Variants in RBBP6 observed in about 807,000 individuals in gnomAD.
RBBP6 encodes RB binding protein 6, ubiquitin ligase.
A neutral mutation model predicts 167.7 loss-of-function variants in RBBP6; 25 were observed. The observed-to-expected ratio is 0.15, with a 90% CI of 0.11 to 0.21. The LOEUF is 0.21. Ranked by LOEUF, RBBP6 falls within the 10% of genes least tolerant of loss-of-function variation. The pLI, the probability that RBBP6 is intolerant of heterozygous loss-of-function variation, is 1.00. For missense variants in RBBP6, 1,868 were observed against 2,134.2 expected (o/e 0.88, Z 2.46); for synonymous variants, 789 against 735.8 (o/e 1.07, Z -1.17).
At chr16:24,559,827 T>G in intron 8 of RBBP6, 150 bp downstream of exon 8, 2 of 603,594 alleles carry the variant, frequency 3.3e-6, no homozygotes, top group Non-Finnish European at 4.9e-6. Context: ...GAGAAGTCTG[T>G]TTTTCTTGCT....
Position 24,572,198 on chromosome 16 carries a change from C to T in RBBP6, c.5132C>T (p.Thr1711Ile), listed in dbSNP as rs1486295638. ...SRSHSPSGSQ[T>I]RSHSSSASSA... is the part of the protein sequence containing the mutation. ...AGCCACAGTCCTTCTGGAAGCCAGA[C>T]CCGAAGCCACAGTAGCAGTGCCAGC... Residue 1711 changes from threonine to isoleucine, a missense_variant, in exon 18 of 18, where the codon ACC becomes ATC. By Grantham distance (89) the Thr-to-Ile change is moderately conservative. This residue lies in a region of RBBP6 where 591 missense variants were observed against 540.5 expected (regional missense o/e 1.09). Coordinates refer to ENST00000319715, the MANE Select transcript of RBBP6 (RefSeq NM_006910.5). 1.2e-6 allele frequency: 2 copies of T among 1,614,006 alleles called. No individual in the cohort carries two copies. The highest frequency in any genetic ancestry group is 1.7e-5 in the Admixed American group (1 of 59,984).
At chr16:24,555,774 T>C in intron 5 of RBBP6, 47 bp from the exon 6 acceptor site, 1 of 1,586,640 alleles carries the variant, frequency 6.3e-7, no homozygotes, top group Non-Finnish European at 8.7e-7. Flanking sequence ...AAAAGCACTA[T>C]TTTTTCAAAG....
chr16:24,550,208 T>G (rs1282552260), intron 3 of RBBP6, among the ~76,000 whole-genome samples: 1 of 151,946 alleles, frequency 6.6e-6, no homozygotes, highest in African/African-American at 2.4e-5. Context: ...CATTGGATCT[T>G]AAACATGATA....
Position 24,567,145 on chromosome 16 carries a change from G to C in RBBP6, c.1592G>C (p.Ser531Thr). ...IRRGERSCYR[S>T]INRGRHHSER... is the part of the protein sequence containing the mutation. ...TATCTTGGAATTTATTTTTCCAGAA[G>C]TATAAACCGTGGGCGACACCACAGC... The change falls in exon 15 of 18, where the codon AGT becomes ACT. Residue 531 changes from serine to threonine, a missense_variant and splice_region_variant. Ser to Thr is a moderately conservative substitution (Grantham distance 58, BLOSUM62 1). This residue lies in a region of RBBP6 where 145 missense variants were observed against 224.3 expected (regional missense o/e 0.65). Coordinates refer to ENST00000319715, the MANE Select transcript of RBBP6 (RefSeq NM_006910.5). 6.2e-7 allele frequency: 1 copy of C among 1,611,718 alleles called. No individual in the cohort carries two copies. Among genetic ancestry groups the C allele is most frequent in the Non-Finnish European group, 8.5e-7 (1 of 1,178,044 alleles).
At chr16:24,548,366 C>G (rs1252409915) in intron 2 of RBBP6, among the ~76,000 whole-genome samples, 1 of 150,594 alleles carries the variant, frequency 6.6e-6, no homozygotes, top group African/African-American at 2.5e-5. Flanking sequence ...ATGTTACAGC[C>G]CAGGTTAGTC....
Position 24,555,832 on chromosome 16 carries a change from A to C in RBBP6, c.449A>C (p.Lys150Thr). The C allele has an allele frequency of 6.2e-7, 1 of 1,608,034 alleles. No homozygotes were observed. The highest frequency in any genetic ancestry group is 8.5e-7 in the Non-Finnish European group (1 of 1,174,926). ...HEYDPINYMK[K>T]PLGPPPPSYT... ...TTTCCCCCTTTTAGTTACATGAAGA[A>C]ACCTCTAGGTCCACCACCTCCATCT... is the stretch of plus-strand genomic sequence containing the variant. The change falls in exon 6 of 18, where the codon AAA becomes ACA. Residue 150 changes from lysine to threonine, a missense_variant. Around this residue, in one of 7 missense-constraint regions of RBBP6, gnomAD observed 184 missense variants for 327.7 expected, o/e 0.56. Transcript: ENST00000319715.
chr16:24,544,209 A>T (rs1176115426), intron 1 of RBBP6, among the ~76,000 whole-genome samples: 1 of 152,224 alleles, frequency 6.6e-6, no homozygotes, highest in Non-Finnish European at 1.5e-5. Context: ...GGTGTTTGAC[A>T]CAAAGTTTTA....
chr16:24,564,544 A>G (rs1260188480), intron 13 of RBBP6, among the ~76,000 whole-genome samples: 1 of 152,240 alleles, frequency 6.6e-6, no homozygotes, highest in Non-Finnish European at 1.5e-5. Context: ...TGCTAATTAA[A>G]ATATAATATT....
intron 1 of RBBP6, among the ~76,000 whole-genome samples, chr16:24,545,339 T>C (rs1398960192): frequency 6.6e-6 from 1 of 152,194 alleles, no homozygotes; most frequent in African/African-American, 2.4e-5. Context: ...CCCAAAATGC[T>C]GGTATTACAG....
intron 7 of RBBP6, 33 bp downstream of exon 7, chr16:24,556,480 A>T: frequency 6.3e-7 from 1 of 1,590,232 alleles, no homozygotes; most frequent in Non-Finnish European, 8.6e-7. Flanking sequence ...ACCTGTGGAG[A>T]CTCCAGTCAG....
chr16:24,547,701 C>G (rs184604634), intron 2 of RBBP6, among the ~76,000 whole-genome samples: 1 of 152,274 alleles, frequency 6.6e-6, no homozygotes, highest in Non-Finnish European at 1.5e-5. Context: ...GGTGATCCAC[C>G]CAACTTGGCC....
chr16:24,546,149 C>A lies in RBBP6; in HGVS notation c.167-14C>A. 1 of 1,561,044 alleles carries A rather than the reference C, an allele frequency of 6.4e-7. No homozygotes were observed. Among genetic ancestry groups the A allele is most frequent in the South Asian group, 1.2e-5 (1 of 81,122 alleles). On this transcript the variant is annotated splice_polypyrimidine_tract_variant and intron_variant, in intron 1 of 17. Coordinates refer to ENST00000319715, the MANE Select transcript of RBBP6 (RefSeq NM_006910.5). Reference sequence around the variant, plus strand: ...TCCCCAAATGGAAATTCAATTCTGTCTTTTTATTTACAGAATATACTGATG... The same window carrying A: ...TCCCCAAATGGAAATTCAATTCTGTATTTTTATTTACAGAATATACTGATG...
chr16:24,567,918 A>G (rs999229547), intron 16 of RBBP6, 25 bp downstream of exon 16: 13 of 1,554,586 alleles, frequency 8.4e-6, no homozygotes, highest in African/African-American at 4.1e-5. Context: ...AGCCTTCACA[A>G]CAGAATTACA....
At chr16:24,543,816 A>G (rs1427888708) in intron 1 of RBBP6, among the ~76,000 whole-genome samples, 1 of 152,136 alleles carries the variant, frequency 6.6e-6, no homozygotes, top group East Asian at 1.9e-4. Flanking sequence ...CTGAATATGA[A>G]GTGTTTATAA....
chr16:24,555,593 CAAAT>C lies in RBBP6; in HGVS notation c.349-19_349-16del. 6.3e-7 allele frequency: 1 copy of C among 1,579,418 alleles called. No individual in the cohort carries two copies. Among genetic ancestry groups the C allele is most frequent in the East Asian group, 2.2e-5 (1 of 44,710 alleles). ...TTAAATGTGTTTCTAATGTGTGTGTCAAATAATTACCTGTTAAACAGACTGCCAA... is the reference window on the plus strand; with the variant it reads ...TTAAATGTGTTTCTAATGTGTGTGTCAATTACCTGTTAAACAGACTGCCAA... On this transcript the variant is annotated intron_variant, in intron 4 of 17. Coordinates refer to ENST00000319715, the MANE Select transcript of RBBP6 (RefSeq NM_006910.5).
At position 24,568,991 on chromosome 16, in the gene RBBP6, T is replaced by A. The variant is rs776799607; in HGVS notation, c.2301T>A (p.His767Gln). Residue 767 changes from histidine (H) to glutamine (Q), a missense_variant, in exon 17 of 18, where the codon CAT (histidine) becomes CAA (glutamine). Physicochemically the swap from His to Gln is conservative, Grantham distance 24. Transcript: ENST00000319715. ...GGTCACCCCCTTACAGACGCTATCA[T>A]TCACGATCAAGATCTCCTCAAGCGT... ...RSRSPPYRRY[H>Q]SRSRSPQAFR... The A allele has an allele frequency of 1.2e-6, 2 of 1,614,154 alleles. No homozygotes were observed. Among genetic ancestry groups the A allele is most frequent in the Admixed American group, 1.7e-5 (1 of 60,024 alleles).
intron 1 of RBBP6, among the ~76,000 whole-genome samples, chr16:24,541,038 C>T (rs76644975): frequency 1.3e-5 from 2 of 151,922 alleles, no homozygotes; most frequent in Admixed American, 6.6e-5. Context: ...CCTGATTATT[C>T]TTCTCGCTGT....
At chr16:24,546,060 A>G (rs1281218838) in intron 1 of RBBP6, 103 bp from the exon 2 acceptor site, 10 of 1,434,190 alleles carry the variant, frequency 7.0e-6, no homozygotes, top group Non-Finnish European at 9.1e-6. Context: ...TAGTTATTAT[A>G]TTTAAAGTCA....
chr16:24,546,293 A>G (rs901786979), intron 2 of RBBP6, 31 bp downstream of exon 2: 4 of 1,507,098 alleles, frequency 2.7e-6, no homozygotes, highest in Admixed American at 2.6e-5. Flanking sequence ...ATTTCTCAAA[A>G]TAGACTTTTT....
Sources: gnomAD v4.1 joint callset for allele counts (sites outside exome capture counted in the v4.1 genomes callset) on GRCh38, gnomAD v4.1.1 for gene constraint, gnomAD v4.1.1 regional missense constraint, MANE v1.5 for transcripts, NCBI Gene and HGNC (gene_info 2026-07-23, HGNC 2026-07-21) for gene names.